The following TTC1 variants were observed in gnomAD, a reference collection of about 807,000 sequenced individuals.
TTC1 encodes tetratricopeptide repeat domain 1.
A neutral mutation model predicts 37.6 loss-of-function variants in TTC1; 31 were observed. The observed-to-expected ratio is 0.82, with a 90% CI of 0.62 to 1.11. The LOEUF is 1.11. TTC1 is among the 50% of genes most tolerant of loss of function. TTC1 has a pLI of 0.00. For missense variants in TTC1, 351 were observed against 339.0 expected (o/e 1.04, Z -0.28); for synonymous variants, 127 against 122.4 (o/e 1.04, Z -0.25).
intron 2 of TTC1, among the ~76,000 whole-genome samples, chr5:160,019,588 T>TC (rs1307454893): frequency 1.5e-5 from 2 of 135,084 alleles, no homozygotes; most frequent in African/African-American, 5.4e-5. Context: ...TTCTTTTTTT[T>TC]TTTTTTTTTT....
chr5:160,028,292 C>A, intron 2 of TTC1, among the ~76,000 whole-genome samples: 2 of 143,082 alleles, frequency 1.4e-5, no homozygotes, highest in African/African-American at 2.6e-5. Flanking sequence ...GAGCAAGACT[C>A]CGTCTCAAAA....
In TTC1 at chr5:160,049,666, A is replaced by G; in HGVS notation, c.690+4A>G. On this transcript the variant is annotated splice_donor_region_variant and intron_variant, in intron 6 of 7. Transcript: ENST00000231238. The stretch of plus-strand genomic sequence containing the variant: ...TCAAGCAAGAGAAGCTTGTATGGTA[A>G]AACCTAAAATTTTAAAAATATTTTT... 1.0e-5 allele frequency: 16 copies of G among 1,564,744 alleles called. No homozygotes were observed. The highest frequency in any genetic ancestry group is 1.3e-5 in the Non-Finnish European group (15 of 1,163,442).
At chr5:160,050,418 G>A (rs1402601495) in intron 6 of TTC1, among the ~76,000 whole-genome samples, 1 of 152,154 alleles carries the variant, frequency 6.6e-6, no homozygotes, top group Non-Finnish European at 1.5e-5. Flanking sequence ...CTGCACTCCA[G>A]TCTGGGCGAC....
intron 7 of TTC1, among the ~76,000 whole-genome samples, chr5:160,061,074 C>T (rs1230423895): frequency 2.0e-5 from 3 of 152,204 alleles, no homozygotes; most frequent in Admixed American, 6.5e-5. Flanking sequence ...GCACGGGAAC[C>T]GTAGGCTGAC....
At chr5:160,041,372 G>A (rs73309351) in intron 4 of TTC1, among the ~76,000 whole-genome samples, 8,077 of 148,292 alleles carry the variant, frequency 0.054, 250 homozygotes, top group East Asian at 0.12. Flanking sequence ...GTACAATGGC[G>A]CTGTCTCAGC....
chr5:160,038,461 A>G (rs1757032030), intron 4 of TTC1, among the ~76,000 whole-genome samples: 2 of 152,218 alleles, frequency 1.3e-5, no homozygotes, highest in South Asian at 2.1e-4. Flanking sequence ...CTTTGTTTCT[A>G]CAGTTGCCCA....
intron 7 of TTC1, among the ~76,000 whole-genome samples, chr5:160,052,532 T>C (rs1334567240): frequency 8.2e-6 from 1 of 122,350 alleles, no homozygotes; most frequent in Non-Finnish European, 1.6e-5. Context: ...TTACTAACAA[T>C]GATGCTCTAT....
chr5:160,045,744 TTTTTA>T (rs1419852339), intron 5 of TTC1, among the ~76,000 whole-genome samples: 1 of 151,794 alleles, frequency 6.6e-6, no homozygotes, highest in African/African-American at 2.4e-5. Context: ...TATTTTTTAT[TTTTTA>T]TTTTATTTTT....
At chr5:160,010,886 C>T (rs1272782615) in intron 2 of TTC1, 28 bp downstream of exon 2, 1 of 1,584,620 alleles carries the variant, frequency 6.3e-7, no homozygotes, top group Non-Finnish European at 8.6e-7. Context: ...TGTGCAAGAT[C>T]TGCCACTTAC....
At chr5:160,027,195 AT>A (rs1581098254) in intron 2 of TTC1, among the ~76,000 whole-genome samples, 3 of 151,734 alleles carry the variant, frequency 2.0e-5, no homozygotes, top group Non-Finnish European at 4.4e-5. Flanking sequence ...TGCCCAGCTA[AT>A]TTTTGTATTT....
intron 2 of TTC1, among the ~76,000 whole-genome samples, chr5:160,017,673 A>G (rs973763410): frequency 4.6e-5 from 7 of 152,148 alleles, no homozygotes; most frequent in Admixed American, 1.3e-4. Flanking sequence ...CTTAGGTCTC[A>G]TGTGTAAATT....
chr5:160,049,429 G>T (rs1296033065), intron 5 of TTC1, 85 bp from the exon 6 acceptor site: 2 of 1,245,174 alleles, frequency 1.6e-6, no homozygotes, highest in African/African-American at 3.1e-5. Context: ...ATCCTTGGAG[G>T]ATGATTGATG....
chr5:160,018,805 C>A (rs1374723497), intron 2 of TTC1, among the ~76,000 whole-genome samples: 1 of 152,168 alleles, frequency 6.6e-6, no homozygotes, highest in Non-Finnish European at 1.5e-5. Flanking sequence ...CCCAATTAGG[C>A]TCTAATGCAG....
intron 2 of TTC1, among the ~76,000 whole-genome samples, chr5:160,020,746 C>T (rs768541226): frequency 6.6e-6 from 1 of 152,242 alleles, no homozygotes; most frequent in Non-Finnish European, 1.5e-5. Flanking sequence ...CACTGTCTCT[C>T]ATCACCCCCA....
chr5:160,045,504 A>T (rs1757201107), intron 5 of TTC1, among the ~76,000 whole-genome samples: 38 of 95,158 alleles, frequency 4.0e-4, no homozygotes, highest in South Asian at 1.6e-3. Flanking sequence ...ACACACACAC[A>T]CACACACACA....
rs1422123570 is a variant in TTC1, at chr5:160,036,747, T to A, written c.448T>A (p.Phe150Ile). 1 of 1,613,958 alleles carries A rather than the reference T, an allele frequency of 6.2e-7. No homozygotes were observed. Among genetic ancestry groups the A allele is most frequent in the Non-Finnish European group, 8.5e-7 (1 of 1,179,990 alleles). ...AGCCCTCGAAATGTGCCCATCCTGC[T>A]TCCAAAAGGAGAGGTCGATTCTATT... The part of the protein sequence containing the change: ...SRALEMCPSC[F>I]QKERSILFSN... Residue 150 changes from phenylalanine (F) to isoleucine (I), a missense_variant, in exon 4 of 8, where the codon TTC becomes ATC. Coordinates refer to ENST00000231238, the MANE Select transcript of TTC1 (RefSeq NM_003314.3).
At chr5:160,044,870 C>CTA (rs1308838772) in intron 5 of TTC1, among the ~76,000 whole-genome samples, 1 of 152,174 alleles carries the variant, frequency 6.6e-6, no homozygotes, top group East Asian at 1.9e-4. Context: ...CTCTGACACT[C>CTA]TAATTTTTTA....
rs774489584 is a variant in TTC1, at chr5:160,010,762, G to A, written c.234G>A (p.Lys78=). 4 of 1,614,150 alleles carry A rather than the reference G, an allele frequency of 2.5e-6. No individual in the cohort carries two copies. The highest frequency in any genetic ancestry group is 1.1e-5 in the South Asian group (1 of 91,076). ...TTGAGGAGGAGCCAGGAGCGGACAAGGTTGAGAACAAATCTAATGAAGATG... is the reference window on the plus strand; with the variant it reads ...TTGAGGAGGAGCCAGGAGCGGACAAAGTTGAGAACAAATCTAATGAAGATG... The part of the protein sequence containing the change: ...ASFEEEPGAD[K]VENKSNEDVN... The change falls in exon 2 of 8, where the codon AAG becomes AAA. Residue 78 remains lysine (K), a synonymous_variant. Transcript: ENST00000231238.
At chr5:160,018,378 A>T (rs1011970047) in intron 2 of TTC1, among the ~76,000 whole-genome samples, 1 of 152,208 alleles carries the variant, frequency 6.6e-6, no homozygotes, top group Non-Finnish European at 1.5e-5. Context: ...TGGTCAGGAA[A>T]GCCTCTCTGG....
Sources: allele counts gnomAD v4.1 joint callset (sites outside exome capture counted in the v4.1 genomes callset), GRCh38; gene constraint gnomAD v4.1.1; transcripts MANE v1.5; gene names NCBI Gene and HGNC (gene_info 2026-07-23, HGNC 2026-07-21).